The following MAP7 variants were observed in gnomAD, a reference collection of about 807,000 sequenced individuals.
The protein encoded by MAP7 is microtubule associated protein 7, also known as ensconsin.
A neutral mutation model predicts 94.8 loss-of-function variants in MAP7; 52 were observed. The ratio of observed to expected loss-of-function variants is 0.55; its 90% CI spans 0.44 to 0.69. The LOEUF (loss-of-function observed/expected upper bound fraction) is 0.69. Ranked by LOEUF, MAP7 falls within the 30% of genes least tolerant of loss-of-function variation. The pLI is 0.00. For missense variants in MAP7, 940 were observed against 964.6 expected (o/e 0.97, Z 0.34); for synonymous variants, 350 against 357.0 (o/e 0.98, Z 0.22).
rs192828690 is a variant in MAP7, at chr6:136,497,375, T to C, written c.67+52967A>G. ...CACCACCGCAGTGTAAATTGGTAGTTTATCTTTGCAGGTGCAGCCACCTCC... is the reference window on the plus strand; with the variant it reads ...CACCACCGCAGTGTAAATTGGTAGTCTATCTTTGCAGGTGCAGCCACCTCC... On this transcript the variant is annotated intron_variant, in intron 1 of 17. Coordinates refer to ENST00000354570, the MANE Select transcript of MAP7 (RefSeq NM_003980.6). Among the ~76,000 whole-genome samples the C allele has an allele frequency of 1.1e-4, 16 of 152,038 alleles. No individual in the cohort carries two copies. The East Asian group carries it at 3.1e-3, about 29-fold the overall frequency.
chr6:136,534,498 C>T (rs1186428079), intron 1 of MAP7, among the ~76,000 whole-genome samples: 1 of 152,244 alleles, frequency 6.6e-6, no homozygotes, highest in Non-Finnish European at 1.5e-5. Flanking sequence ...ACCTATCAGT[C>T]AGTGACCTCA....
intron 3 of MAP7, among the ~76,000 whole-genome samples, chr6:136,410,898 A>T (rs1211152526): frequency 6.6e-6 from 1 of 152,262 alleles, no homozygotes; most frequent in Non-Finnish European, 1.5e-5. Flanking sequence ...CACTCTGTAC[A>T]CGCACATGCT....
chr6:136,349,501 G>A (rs1372384986), intron 16 of MAP7, among the ~76,000 whole-genome samples: 7 of 152,070 alleles, frequency 4.6e-5, no homozygotes, highest in Non-Finnish European at 1.0e-4. Flanking sequence ...AGCCTCCCGC[G>A]TATCTGGGAC....
chr6:136,522,299 G>C (rs1412031689), intron 1 of MAP7, among the ~76,000 whole-genome samples: 1 of 151,994 alleles, frequency 6.6e-6, no homozygotes, highest in Non-Finnish European at 1.5e-5. Context: ...AGTCAGGTAT[G>C]TAAAACATTA....
intron 1 of MAP7, among the ~76,000 whole-genome samples, chr6:136,476,689 T>C (rs1238484571): frequency 6.6e-6 from 1 of 152,146 alleles, no homozygotes; most frequent in Non-Finnish European, 1.5e-5. Flanking sequence ...TTCCACTGTG[T>C]AAGAGAAAAG....
intron 1 of MAP7, among the ~76,000 whole-genome samples, chr6:136,490,383 T>C (rs1816196545): frequency 6.6e-6 from 1 of 152,250 alleles, no homozygotes; most frequent in Non-Finnish European, 1.5e-5. Context: ...ATTAAGATAC[T>C]GTATGATCTT....
At chr6:136,524,282 T>C (rs959437746) in intron 1 of MAP7, among the ~76,000 whole-genome samples, 9 of 151,560 alleles carry the variant, frequency 5.9e-5, no homozygotes, top group Non-Finnish European at 1.3e-4. Flanking sequence ...AAGAATAAAA[T>C]GGATGGCTAT....
Position 136,359,769 on chromosome 6 carries a change from C to T in MAP7, c.1912+51G>A, listed in dbSNP as rs12526855. ...CTGAATATCTTCACCCCTGGAGAGT[C>T]AATTTAAACATTTTATATATAAATT... On this transcript the variant is annotated intron_variant, in intron 15 of 17. Transcript: ENST00000354570. 746 of 1,534,722 alleles carry T rather than the reference C, an allele frequency of 4.9e-4. 2 individuals are homozygous for T. The Admixed American group carries it at 0.011, about 23-fold the overall frequency.
intron 1 of MAP7, among the ~76,000 whole-genome samples, chr6:136,447,613 T>C (rs1193538236): frequency 1.3e-5 from 2 of 152,208 alleles, no homozygotes; most frequent in African/African-American, 4.8e-5. Flanking sequence ...TGAAAATACA[T>C]GTTAAACTGT....
chr6:136,374,170 T>C (rs1028852753), intron 7 of MAP7, among the ~76,000 whole-genome samples: 10 of 152,232 alleles, frequency 6.6e-5, no homozygotes, highest in African/African-American at 2.4e-4. Context: ...ATAATATATG[T>C]ACGTCTTAAT....
chr6:136,413,892 C>T (rs938560375), intron 2 of MAP7, among the ~76,000 whole-genome samples: 2 of 152,070 alleles, frequency 1.3e-5, no homozygotes, highest in African/African-American at 4.8e-5. Flanking sequence ...AAAGACGCCC[C>T]TTAGGAGCCT....
chr6:136,452,878 T>C (rs1359993797), intron 1 of MAP7, among the ~76,000 whole-genome samples: 1 of 152,182 alleles, frequency 6.6e-6, no homozygotes, highest in Non-Finnish European at 1.5e-5. Context: ...AATATGTATG[T>C]TGTTTTTTCA....
At chr6:136,489,619 C>G (rs1437143952) in intron 1 of MAP7, among the ~76,000 whole-genome samples, 1 of 150,234 alleles carries the variant, frequency 6.7e-6, no homozygotes, top group East Asian at 2.0e-4. Context: ...CCTTTGCTTC[C>G]TGGGTTCAAG....
At chr6:136,429,972 A>G (rs944866094) in intron 1 of MAP7, among the ~76,000 whole-genome samples, 3 of 152,202 alleles carry the variant, frequency 2.0e-5, no homozygotes, top group African/African-American at 7.2e-5. Context: ...AACATGAATA[A>G]TGTTTACGAC....
chr6:136,392,954 A>G (rs1781208743), intron 3 of MAP7, among the ~76,000 whole-genome samples: 1 of 152,246 alleles, frequency 6.6e-6, no homozygotes, highest in Non-Finnish European at 1.5e-5. Flanking sequence ...AGAAAATAAG[A>G]AATAAAGATG....
intron 16 of MAP7, among the ~76,000 whole-genome samples, chr6:136,352,899 A>G (rs1789637775): frequency 6.6e-6 from 1 of 152,258 alleles, no homozygotes; most frequent in Non-Finnish European, 1.5e-5. Context: ...ACTTGTTGCT[A>G]TAAGAGGTAA....
At position 136,545,702 on chromosome 6, in the gene MAP7, A is replaced by G. The variant is rs373775225; in HGVS notation, c.67+4640T>C. Among the ~76,000 whole-genome samples, 9 of 152,130 alleles carry G rather than the reference A, an allele frequency of 5.9e-5. No individual in the cohort carries two copies. In the South Asian group the frequency reaches 1.9e-3, roughly 32 times the overall value. Reference sequence around the variant, plus strand: ...TTCTCCCTTTCCTCCATCTAATTTTATATCCCACTTACCCATTTTTAAAAG... The same window carrying G: ...TTCTCCCTTTCCTCCATCTAATTTTGTATCCCACTTACCCATTTTTAAAAG... On this transcript the variant is annotated intron_variant, in intron 1 of 17. Coordinates refer to ENST00000354570, the MANE Select transcript of MAP7 (RefSeq NM_003980.6).
chr6:136,418,545 A>G (rs1582855793), intron 2 of MAP7, among the ~76,000 whole-genome samples: 2 of 152,192 alleles, frequency 1.3e-5, no homozygotes, highest in East Asian at 3.9e-4. Flanking sequence ...TATAAAAGTC[A>G]CAACTTGAAT....
rs1394155847 is a variant in MAP7, at chr6:136,359,810, A to G, written c.1912+10T>C. Reference sequence around the variant, plus strand: ...TATATAAATTGGTTTGAGTTCATTGACAGAAATACCTGTTCCTCCAGTGAG... The same window carrying G: ...TATATAAATTGGTTTGAGTTCATTGGCAGAAATACCTGTTCCTCCAGTGAG... On this transcript the variant is annotated intron_variant, in intron 15 of 17. Transcript: ENST00000354570. 6.2e-7 allele frequency: 1 copy of G among 1,610,520 alleles called. No individual in the cohort carries two copies. The highest frequency in any genetic ancestry group is 8.5e-7 in the Non-Finnish European group (1 of 1,179,178).
Sources: allele counts gnomAD v4.1 joint callset (sites outside exome capture counted in the v4.1 genomes callset), GRCh38; gene constraint gnomAD v4.1.1; transcripts MANE v1.5; gene names NCBI Gene and HGNC (gene_info 2026-07-23, HGNC 2026-07-21).